The following SH3BGRL2 variants were observed in gnomAD, a reference collection of about 807,000 sequenced individuals.
SH3BGRL2 encodes the protein SH3 domain binding glutamate rich protein like 2.
SH3BGRL2 carries 21 observed loss-of-function variants against 14.8 expected under a neutral mutation model. The observed-to-expected ratio is 1.42, with a 90% CI of 1.01 to 2.05. The LOEUF is 2.05. Ranked by LOEUF, SH3BGRL2 falls within the 30% of genes most tolerant of loss-of-function variation. The pLI is 0.00. For missense variants in SH3BGRL2, 147 were observed against 130.8 expected, an observed-to-expected ratio of 1.12 and a Z score of -0.61; for synonymous variants, 50 against 47.8, an observed-to-expected ratio of 1.05 and a Z score of -0.19.
the SH3BGRL2 span, among the ~76,000 whole-genome samples, chr6:79,551,847 T>C: frequency 6.6e-6 from 1 of 152,164 alleles, no homozygotes; most frequent in African/African-American, 2.4e-5. Flanking sequence ...CCCAGCACTT[T>C]GGGAGGCCAA....
At chr6:79,590,424 GATAT>G in the SH3BGRL2 span, among the ~76,000 whole-genome samples, 3,043 of 66,504 alleles carry the variant, frequency 0.046, 70 homozygotes, top group Non-Finnish European at 0.058. Context: ...AAGAAAATGT[GATAT>G]ATATATATAT....
chr6:79,616,486 A>G, the SH3BGRL2 span, among the ~76,000 whole-genome samples: 1 of 151,954 alleles, frequency 6.6e-6, no homozygotes, highest in Non-Finnish European at 1.5e-5. Context: ...CCCTTTGTAC[A>G]CATTTTTCTC....
the SH3BGRL2 span, among the ~76,000 whole-genome samples, chr6:79,562,430 A>G: frequency 6.6e-6 from 1 of 152,146 alleles, no homozygotes; most frequent in Non-Finnish European, 1.5e-5. Flanking sequence ...ACTAACTCCT[A>G]GGTCATTTGG....
At chr6:79,643,278 A>G (rs1769066366) in intron 1 of SH3BGRL2, among the ~76,000 whole-genome samples, 1 of 152,070 alleles carries the variant, frequency 6.6e-6, no homozygotes, top group South Asian at 2.1e-4. Context: ...TACTTTTTAT[A>G]TTGCCCCACA....
intron 2 of SH3BGRL2, among the ~76,000 whole-genome samples, chr6:79,675,890 G>T (rs1036166363): frequency 6.6e-6 from 1 of 151,456 alleles, no homozygotes; most frequent in Non-Finnish European, 1.5e-5. Flanking sequence ...TCTCAGGTGG[G>T]GTGGGCTTTC....
chr6:79,572,447 A>T, the SH3BGRL2 span, among the ~76,000 whole-genome samples: 43 of 149,332 alleles, frequency 2.9e-4, 1 homozygote, highest in Admixed American at 1.3e-4. Flanking sequence ...ATCTATTTTT[A>T]TTTTATTTTA....
chr6:79,654,796 G>T (rs767333589), intron 1 of SH3BGRL2, among the ~76,000 whole-genome samples: 19 of 152,134 alleles, frequency 1.2e-4, no homozygotes, highest in Non-Finnish European at 1.9e-4. Flanking sequence ...CTGCTTGAGG[G>T]GGGTGGTGTT....
At chr6:79,605,506 G>A in the SH3BGRL2 span, among the ~76,000 whole-genome samples, 1 of 152,216 alleles carries the variant, frequency 6.6e-6, no homozygotes, top group African/African-American at 2.4e-5. Flanking sequence ...TTTCTTCACA[G>A]AGTATTATCC....
At chr6:79,693,496 G>C (rs373202675) in intron 2 of SH3BGRL2, among the ~76,000 whole-genome samples, 3 of 150,598 alleles carry the variant, frequency 2.0e-5, no homozygotes, top group East Asian at 3.9e-4. Flanking sequence ...CTGTGGGTTT[G>C]TCATAGATAG....
the SH3BGRL2 span, among the ~76,000 whole-genome samples, chr6:79,556,500 A>G: frequency 1.3e-5 from 2 of 152,066 alleles, no homozygotes; most frequent in African/African-American, 2.4e-5. Flanking sequence ...TATTTCAAGA[A>G]CAAAAATACT....
At chr6:79,651,813 G>GCTA (rs1769302470) in intron 1 of SH3BGRL2, among the ~76,000 whole-genome samples, 1 of 152,168 alleles carries the variant, frequency 6.6e-6, no homozygotes, top group African/African-American at 2.4e-5. Context: ...GGGTATAAAT[G>GCTA]GGAGTTTGGT....
At chr6:79,580,204 C>CT in the SH3BGRL2 span, among the ~76,000 whole-genome samples, 2 of 152,160 alleles carry the variant, frequency 1.3e-5, no homozygotes, top group Non-Finnish European at 2.9e-5. Flanking sequence ...TAATGGGAGA[C>CT]TTTAACACCC....
intron 2 of SH3BGRL2, among the ~76,000 whole-genome samples, chr6:79,674,444 A>G (rs1769841413): frequency 6.6e-6 from 1 of 152,210 alleles, no homozygotes; most frequent in African/African-American, 2.4e-5. Flanking sequence ...CCTTAGGTTA[A>G]GAAAAATAAT....
the SH3BGRL2 span, among the ~76,000 whole-genome samples, chr6:79,612,828 C>G: frequency 6.6e-6 from 1 of 152,230 alleles, no homozygotes; most frequent in African/African-American, 2.4e-5. Context: ...CAGCTATCCA[C>G]AAAATGCACA....
intron 1 of SH3BGRL2, among the ~76,000 whole-genome samples, chr6:79,636,181 C>G (rs755129526): frequency 1.3e-5 from 2 of 152,112 alleles, no homozygotes; most frequent in Non-Finnish European, 2.9e-5. Context: ...AGCAAGCTGA[C>G]CAGATTGAGA....
upstream of SH3BGRL2, among the ~76,000 whole-genome samples, chr6:79,630,545 G>A (rs912240554): frequency 6.6e-6 from 1 of 152,132 alleles, no homozygotes; most frequent in East Asian, 1.9e-4. Context: ...AATGTGCAGC[G>A]GTTCTGAAAA....
intron 2 of SH3BGRL2, among the ~76,000 whole-genome samples, chr6:79,680,185 T>G (rs1390080576): frequency 6.6e-6 from 1 of 152,226 alleles, no homozygotes; most frequent in Non-Finnish European, 1.5e-5. Flanking sequence ...GCTTTTCCCC[T>G]GTGTTTTCTT....
At chr6:79,686,633 G>T (rs550941937) in intron 2 of SH3BGRL2, among the ~76,000 whole-genome samples, 102 of 152,056 alleles carry the variant, frequency 6.7e-4, no homozygotes, top group African/African-American at 2.5e-3. Flanking sequence ...CTTGTTTCGT[G>T]GATGCAGCAT....
At position 79,699,584 on chromosome 6, in the gene SH3BGRL2, G is replaced by A; in HGVS notation, c.*75G>A. The A allele has an allele frequency of 7.0e-7, 1 of 1,424,354 alleles. No individual in the cohort carries two copies. Among genetic ancestry groups the A allele is most frequent in the Non-Finnish European group, 9.2e-7 (1 of 1,083,432 alleles). The allele number at this position is 1,424,354 out of a possible 1,614,324, so 88.2% of individuals were successfully genotyped here. ...CTCAGCACACACATGCTTACCTAATGCATCACTGTGACAAAAGCCACACGC... is the reference window on the plus strand; with the variant it reads ...CTCAGCACACACATGCTTACCTAATACATCACTGTGACAAAAGCCACACGC... On this transcript the variant is annotated 3_prime_UTR_variant, in exon 4 of 4. Transcript: ENST00000369838.
Sources: gnomAD v4.1 joint callset for allele counts (sites outside exome capture counted in the v4.1 genomes callset) on GRCh38, gnomAD v4.1.1 for gene constraint, MANE v1.5 for transcripts, NCBI Gene and HGNC (gene_info 2026-07-23, HGNC 2026-07-21) for gene names.